Variants in CCND2 observed in about 807,000 individuals in gnomAD.
The protein encoded by CCND2 is cyclin D2.
In CCND2, 6 loss-of-function variants were observed where a neutral mutation model predicts 30.2. The ratio of observed to expected loss-of-function variants is 0.20; its 90% CI spans 0.11 to 0.39. CCND2 has a LOEUF of 0.39. CCND2 is among the 10% of genes least tolerant of loss of function. The probability of loss-of-function intolerance (pLI) is 1.00; values close to 1 mark genes in which losing one functional copy is unlikely to be tolerated. For synonymous variants in CCND2, 150 were observed against 153.1 expected (o/e 0.98, Z 0.15); for missense variants, 235 against 373.4 (o/e 0.63, Z 3.06).
At chr12:4,284,541 T>C (rs1473559426) in intron 3 of CCND2, among the ~76,000 whole-genome samples, 2 of 152,160 alleles carry the variant, frequency 1.3e-5, no homozygotes, top group African/African-American at 4.8e-5. Flanking sequence ...TGCAGCAACC[T>C]GGAGAAAGGC....
chr12:4,297,929 C>A (rs1329273368), intron 4 of CCND2: 1 of 360,348 alleles, frequency 2.8e-6, no homozygotes, highest in South Asian at 2.0e-5. Context: ...AGCACTCTTC[C>A]CAGACACACA....
In CCND2 at chr12:4,276,250, T is replaced by C. The variant is rs773631850; in HGVS notation, c.411+30T>C. ...TGACCGGCCCCTTCCTCCCTTCCTT[T>C]CTGCGATTCCCGCTTTCCCCTGGCC... On this transcript the variant is annotated intron_variant, in intron 2 of 4. Coordinates refer to ENST00000261254, the MANE Select transcript of CCND2 (RefSeq NM_001759.4). This position sits in a 1 kb window ranked among gnomAD's most constrained non-coding sequence, Gnocchi z 4.8. 78 of 1,586,996 alleles carry C rather than the reference T, an allele frequency of 4.9e-5. No individual in the cohort carries two copies. The highest frequency in any genetic ancestry group is 6.6e-5 in the Non-Finnish European group (76 of 1,158,528).
chr12:4,300,647 A>G lies in CCND2; in HGVS notation c.*638A>G, dbSNP rs1864235925. ...TACAGTAGCTGCTACCTAAAAAAAG[A>G]TGTTTTATTTTGCCAGTTGGACACA... On this transcript the variant is annotated 3_prime_UTR_variant, in exon 5 of 5. Transcript: ENST00000261254. 4.3e-6 allele frequency: 1 copy of G among 233,750 alleles called. No homozygotes were observed. The highest frequency in any genetic ancestry group is 6.0e-5 in the East Asian group (1 of 16,584). 14.5% of individuals were successfully genotyped at this position (233,750 alleles called of 1,614,324 possible).
Position 4,300,142 on chromosome 12 carries a change from A to C in CCND2, c.*133A>C. 1 of 883,728 alleles carries C rather than the reference A, an allele frequency of 1.1e-6. No homozygotes were observed. Among genetic ancestry groups the C allele is most frequent in the Non-Finnish European group, 1.7e-6 (1 of 605,318 alleles). 54.7% of individuals were successfully genotyped at this position (883,728 alleles called of 1,614,324 possible). ...CTGCCCCCACCTAGATCATATTTAA[A>C]GATCTTTTAGAAGTGAGAGAAAAAG... On this transcript the variant is annotated 3_prime_UTR_variant, in exon 5 of 5. Transcript: ENST00000261254.
chr12:4,297,570 CAAAAAAAAAAAAA>C (rs71061177), intron 4 of CCND2, among the ~76,000 whole-genome samples: 8 of 74,786 alleles, frequency 1.1e-4, no homozygotes, highest in Non-Finnish European at 1.9e-4. Flanking sequence ...CACTCTGTCT[CAAAAAAAAAAAAA>C]AAAAAAAAAA....
In CCND2 at chr12:4,302,371, C is replaced by T. The variant is rs1175275913; in HGVS notation, c.*2362C>T. ...TCAGGAAACAGACTAAAAAGAATTC[C>T]ACCAGGCTGTTTGGAGATCCTCATC... On this transcript the variant is annotated 3_prime_UTR_variant, in exon 5 of 5. Transcript: ENST00000261254. The T allele has an allele frequency of 8.6e-6, 2 of 233,020 alleles. No individual in the cohort carries two copies. Among genetic ancestry groups the T allele is most frequent in the Admixed American group, 5.6e-5 (1 of 17,774 alleles). The allele number at this position is 233,020 out of a possible 1,614,324, so 14.4% of individuals were successfully genotyped here. A position where few individuals can be genotyped will look rare whatever the true frequency, so the allele number is the denominator to read the frequency against.
At chr12:4,275,934 A>ATTCTTTTT in intron 1 of CCND2, 71 bp from the exon 2 acceptor site, 2 of 968,656 alleles carry the variant, frequency 2.1e-6, no homozygotes, top group South Asian at 1.9e-5. Flanking sequence ...ACGCTTTTTT[A>ATTCTTTTT]TTCTTTTTCT....
At chr12:4,295,926 C>T (rs1167462182) in intron 4 of CCND2, among the ~76,000 whole-genome samples, 1 of 152,234 alleles carries the variant, frequency 6.6e-6, no homozygotes, top group African/African-American at 2.4e-5. Flanking sequence ...TTGGCTGGAA[C>T]TTACATAAAA....
At chr12:4,296,409 T>C (rs1864168943) in intron 4 of CCND2, among the ~76,000 whole-genome samples, 1 of 152,266 alleles carries the variant, frequency 6.6e-6, no homozygotes, top group Non-Finnish European at 1.5e-5. Context: ...CACCAAGGGC[T>C]GTGCCATGCG....
intron 4 of CCND2, among the ~76,000 whole-genome samples, chr12:4,291,982 C>T (rs747699106): frequency 3.3e-5 from 5 of 152,042 alleles, no homozygotes; most frequent in African/African-American, 1.2e-4. Context: ...GTGTTTAATG[C>T]GTACGGAGTT....
intron 3 of CCND2, among the ~76,000 whole-genome samples, chr12:4,279,203 T>C (rs528819622): frequency 1.3e-5 from 2 of 152,326 alleles, no homozygotes; most frequent in African/African-American, 2.4e-5. Context: ...ATGGCTAAAG[T>C]GCTCTTTGAA....
intron 4 of CCND2, among the ~76,000 whole-genome samples, chr12:4,294,599 G>T (rs951134464): frequency 6.6e-6 from 1 of 152,106 alleles, no homozygotes; most frequent in African/African-American, 2.4e-5. Flanking sequence ...TTAGAGCTTA[G>T]AAGTCAAGGT....
rs1165955980 is a variant in CCND2 at position 4,278,901 on chromosome 12, A to G, written c.553A>G (p.Ile185Val). 6.2e-7 allele frequency: 1 copy of G among 1,613,348 alleles called. No individual in the cohort carries two copies. The highest frequency in any genetic ancestry group is 1.3e-5 in the African/African-American group (1 of 74,920). Residue 185 changes from isoleucine to valine, a missense_variant, in exon 3 of 5, where the codon ATT (isoleucine) becomes GTT (valine). This residue lies in a region of CCND2 where 178 missense variants were observed against 322.8 expected (regional missense o/e 0.55). Coordinates refer to ENST00000261254, the MANE Select transcript of CCND2 (RefSeq NM_001759.4). ...SLIRKHAQTF[I>V]ALCATDFKFA... The stretch of plus-strand genomic sequence containing the variant: ...GATCCGCAAGCATGCTCAGACCTTC[A>G]TTGCTCTGTGTGCCACCGGTAAGAT...
In CCND2 at chr12:4,276,090, C is replaced by T. The variant is rs1019910889; in HGVS notation, c.281C>T (p.Pro94Leu). The change falls in exon 2 of 5, where the codon CCG (proline) becomes CTG (leucine). Residue 94 changes from proline (P) to leucine (L), a missense_variant. This residue lies in a region of CCND2 where 178 missense variants were observed against 322.8 expected (regional missense o/e 0.55). Coordinates refer to ENST00000261254, the MANE Select transcript of CCND2 (RefSeq NM_001759.4). This position sits in a 1 kb window ranked among gnomAD's most constrained non-coding sequence, Gnocchi z 4.8. Reference sequence around the variant, plus strand: ...CGTTTCTTGGCTGGGGTCCCGACTCCGAAGTCCCATCTGCAACTCCTGGGT... The same window carrying T: ...CGTTTCTTGGCTGGGGTCCCGACTCTGAAGTCCCATCTGCAACTCCTGGGT... ...LDRFLAGVPT[P>L]KSHLQLLGAV... The T allele has an allele frequency of 6.2e-7, 1 of 1,613,988 alleles. No individual in the cohort carries two copies. Among genetic ancestry groups the T allele is most frequent in the Non-Finnish European group, 8.5e-7 (1 of 1,179,998 alleles).
At position 4,278,746 on chromosome 12, in the gene CCND2, G is replaced by T; in HGVS notation, c.412-14G>T. The T allele has an allele frequency of 6.2e-7, 1 of 1,613,404 alleles. No individual in the cohort carries two copies. Among genetic ancestry groups the T allele is most frequent in the Non-Finnish European group, 8.5e-7 (1 of 1,179,454 alleles). On this transcript the variant is annotated splice_polypyrimidine_tract_variant and intron_variant, in intron 2 of 4. Transcript: ENST00000261254. ...ATTTAGATTCTCCTCTTCTCTTCCT[G>T]CCTTCCCCTCCAGGAGTGGGAACTG...
rs1166314331 is a variant in CCND2, at chr12:4,302,449, A to C, written c.*2440A>C. On this transcript the variant is annotated 3_prime_UTR_variant, in exon 5 of 5. Coordinates refer to ENST00000261254, the MANE Select transcript of CCND2 (RefSeq NM_001759.4). Reference sequence around the variant, plus strand: ...ATCTGCAAAGGGCCCTTTCATCTTGAAGTTTTTCCCCTCCGTCTTTCCCCT... The same window carrying C: ...ATCTGCAAAGGGCCCTTTCATCTTGCAGTTTTTCCCCTCCGTCTTTCCCCT... 4.3e-6 allele frequency: 1 copy of C among 232,804 alleles called. No individual in the cohort carries two copies. Among genetic ancestry groups the C allele is most frequent in the Non-Finnish European group, 8.5e-6 (1 of 117,958 alleles). 14.4% of individuals were successfully genotyped at this position (232,804 alleles called of 1,614,324 possible).
intron 4 of CCND2, among the ~76,000 whole-genome samples, chr12:4,291,247 C>T (rs1292385410): frequency 3.4e-5 from 1 of 29,180 alleles, no homozygotes; most frequent in Non-Finnish European, 9.5e-5. Flanking sequence ...ATGCACCTTT[C>T]CAAGTGCTAA....
At chr12:4,275,872 G>T (rs907127524) in intron 1 of CCND2, 133 bp from the exon 2 acceptor site, 2 of 580,410 alleles carry the variant, frequency 3.4e-6, no homozygotes, top group Non-Finnish European at 6.1e-6. Context: ...ACGCATTCTG[G>T]TCCCCTCCCC....
At chr12:4,294,604 C>A (rs1288125520) in intron 4 of CCND2, among the ~76,000 whole-genome samples, 1 of 152,114 alleles carries the variant, frequency 6.6e-6, no homozygotes, top group African/African-American at 2.4e-5. Context: ...GCTTAGAAGT[C>A]AAGGTATATA....
Sources: gnomAD v4.1 joint callset for allele counts (sites outside exome capture counted in the v4.1 genomes callset) on GRCh38, gnomAD v4.1.1 for gene constraint, gnomAD v4.1.1 regional missense constraint, Gnocchi (gnomAD v3.1) non-coding constraint, MANE v1.5 for transcripts, NCBI Gene and HGNC (gene_info 2026-07-23, HGNC 2026-07-21) for gene names.